Variants in CTNNA2 observed in about 807,000 individuals in gnomAD.
The protein encoded by CTNNA2 is catenin alpha-2.
A neutral mutation model predicts 101.0 loss-of-function variants in CTNNA2; 42 were observed. The observed-to-expected ratio is 0.42, with a 90% CI of 0.32 to 0.54. The LOEUF (loss-of-function observed/expected upper bound fraction) is 0.54, where lower values mean the gene tolerates loss of function less well. Ranked by LOEUF, CTNNA2 falls within the 20% of genes least tolerant of loss-of-function variation. The pLI, the probability that CTNNA2 is intolerant of heterozygous loss-of-function variation, is 0.14. For missense variants in CTNNA2, 871 were observed against 1,223.1 expected (o/e 0.71, Z 4.29); for synonymous variants, 450 against 456.4 (o/e 0.99, Z 0.18).
rs530320535 is a variant in CTNNA2, at chr2:80,187,200, G to A, written c.1057-206011G>A. On this transcript the variant is annotated intron_variant, in intron 7 of 18. Transcript: ENST00000402739. ...AGAGAGAAACTTATAATAAAAACATGGGATCACTGGCAGCAAACAGTATGC... is the reference window on the plus strand; with the variant it reads ...AGAGAGAAACTTATAATAAAAACATAGGATCACTGGCAGCAAACAGTATGC... Among the ~76,000 whole-genome samples, 7 of 152,206 alleles carry A rather than the reference G, an allele frequency of 4.6e-5. No homozygotes were observed. The South Asian group carries it at 1.5e-3, about 32-fold the overall frequency.
chr2:80,176,411 C>A (rs549751438), intron 7 of CTNNA2, among the ~76,000 whole-genome samples: 1 of 152,292 alleles, frequency 6.6e-6, no homozygotes, highest in South Asian at 2.1e-4. Context: ...GAAACATGTT[C>A]ATAACAAAAT....
intron 7 of CTNNA2, among the ~76,000 whole-genome samples, chr2:80,143,419 C>T (rs189515079): frequency 3.9e-5 from 6 of 152,240 alleles, no homozygotes; most frequent in Admixed American, 2.0e-4. Flanking sequence ...CTCAAATATT[C>T]GTCAAATTTT....
chr2:80,152,803 A>G (rs1703786578), intron 7 of CTNNA2, among the ~76,000 whole-genome samples: 1 of 152,172 alleles, frequency 6.6e-6, no homozygotes, highest in African/African-American at 2.4e-5. Context: ...TATCTGTGCA[A>G]GCCACAACTT....
At chr2:80,374,974 G>T (rs1333669969) in intron 7 of CTNNA2, among the ~76,000 whole-genome samples, 4 of 151,946 alleles carry the variant, frequency 2.6e-5, no homozygotes, top group African/African-American at 9.7e-5. Context: ...ATGATATATC[G>T]TTTGAAATGG....
intron 4 of CTNNA2, among the ~76,000 whole-genome samples, chr2:79,378,545 A>G (rs888922959): frequency 6.6e-6 from 1 of 152,156 alleles, no homozygotes; most frequent in Non-Finnish European, 1.5e-5. Flanking sequence ...AACATGGAAA[A>G]TACCAAATTA....
chr2:80,498,349 G>A (rs1033282958), intron 9 of CTNNA2, among the ~76,000 whole-genome samples: 1 of 152,288 alleles, frequency 6.6e-6, no homozygotes, highest in East Asian at 1.9e-4. Flanking sequence ...AATCACCTGT[G>A]ACTGACTGAA....
intron 7 of CTNNA2, among the ~76,000 whole-genome samples, chr2:80,152,510 G>A (rs532146259): frequency 1.8e-4 from 27 of 152,154 alleles, no homozygotes; most frequent in Admixed American, 1.2e-3. Flanking sequence ...AATGTTTGAT[G>A]AGAAGTTTGT....
At chr2:80,021,160 C>T (rs1247537459) in intron 7 of CTNNA2, among the ~76,000 whole-genome samples, 1 of 151,900 alleles carries the variant, frequency 6.6e-6, no homozygotes, top group Non-Finnish European at 1.5e-5. Context: ...GCTGGGACTA[C>T]AGGCACATGC....
At chr2:79,619,209 C>A (rs1214081811) in intron 1 of CTNNA2, among the ~76,000 whole-genome samples, 15 of 152,154 alleles carry the variant, frequency 9.9e-5, no homozygotes, top group Admixed American at 9.8e-4. Flanking sequence ...CCGTCTCAAA[C>A]AAACAAAAGC....
chr2:80,578,630 A>G (rs889004770), intron 13 of CTNNA2, among the ~76,000 whole-genome samples: 2 of 152,202 alleles, frequency 1.3e-5, no homozygotes, highest in Admixed American at 1.3e-4. Flanking sequence ...TGTTTAAGGT[A>G]CATGTAAATA....
rs888681453 is a variant in CTNNA2, at chr2:79,874,247, G to A, written c.757G>A (p.Gly253Ser). ...CAAACAAGTCCAGGAGGCCATCGCC[G>A]GCATCTCCAATGCTGCTCAAGCTAC... Reference protein sequence around the residue: ...VFKQVQEAIAGISNAAQATSP... With the variant: ...VFKQVQEAIASISNAAQATSP... The change falls in exon 6 of 19, where the codon GGC (glycine) becomes AGC (serine). Residue 253 changes from glycine to serine, a missense_variant. Coordinates refer to ENST00000402739, the MANE Select transcript of CTNNA2 (RefSeq NM_001282597.3). The A allele has an allele frequency of 3.1e-6, 5 of 1,614,038 alleles. No homozygotes were observed. The highest frequency in any genetic ancestry group is 2.2e-5 in the East Asian group (1 of 44,848).
At chr2:80,483,847 T>A (rs939023271) in intron 9 of CTNNA2, among the ~76,000 whole-genome samples, 22 of 152,140 alleles carry the variant, frequency 1.4e-4, no homozygotes, top group African/African-American at 5.3e-4. Context: ...GAGACTTCAG[T>A]CTTTTAAAGA....
chr2:79,674,016 A>G (rs1038472168), intron 2 of CTNNA2, among the ~76,000 whole-genome samples: 2 of 152,206 alleles, frequency 1.3e-5, no homozygotes, highest in African/African-American at 4.8e-5. Flanking sequence ...TTTAATATGT[A>G]GAAGAATCAC....
intron 2 of CTNNA2, among the ~76,000 whole-genome samples, chr2:79,203,001 C>T (rs1271633118): frequency 6.6e-6 from 1 of 152,124 alleles, no homozygotes; most frequent in Non-Finnish European, 1.5e-5. Flanking sequence ...TCCTTTCTTC[C>T]ATGTAGAATT....
chr2:79,407,735 C>G (rs1452197803), intron 4 of CTNNA2, among the ~76,000 whole-genome samples: 2 of 151,894 alleles, frequency 1.3e-5, no homozygotes, highest in Non-Finnish European at 2.9e-5. Context: ...GACTGAAAGA[C>G]AGCTTTCCAC....
intron 2 of CTNNA2, among the ~76,000 whole-genome samples, chr2:79,652,012 C>T (rs1229397150): frequency 6.6e-6 from 1 of 152,092 alleles, no homozygotes; most frequent in East Asian, 1.9e-4. Flanking sequence ...GACTATACAA[C>T]AGCAATGTAT....
intron 15 of CTNNA2, among the ~76,000 whole-genome samples, chr2:80,599,446 T>A (rs1240253614): frequency 6.6e-6 from 1 of 152,198 alleles, no homozygotes; most frequent in Non-Finnish European, 1.5e-5. Flanking sequence ...TGGTTATTAT[T>A]CCACAGTTAT....
At chr2:80,172,454 T>C (rs149460076) in intron 7 of CTNNA2, among the ~76,000 whole-genome samples, 226 of 152,292 alleles carry the variant, frequency 1.5e-3, no homozygotes, top group African/African-American at 5.1e-3. Context: ...AGGTATGGTG[T>C]CCTCTTTTAT....
chr2:80,633,842 G>T (rs1013808967), intron 18 of CTNNA2, among the ~76,000 whole-genome samples: 2 of 152,142 alleles, frequency 1.3e-5, no homozygotes, highest in Middle Eastern at 3.2e-3. Context: ...TTTTTAAATT[G>T]TGGCTGTCTT....
Sources: allele counts gnomAD v4.1 joint callset (sites outside exome capture counted in the v4.1 genomes callset), GRCh38; gene constraint gnomAD v4.1.1; transcripts MANE v1.5; gene names NCBI Gene and HGNC (gene_info 2026-07-23, HGNC 2026-07-21).